TAB2: variants seen among roughly 807,000 people sequenced by gnomAD.
TAB2 encodes TGF-beta activated kinase 1 (MAP3K7) binding protein 2, also known as TGF-beta-activated kinase 1 and MAP3K7-binding protein 2.
Under a neutral mutation model 65.0 loss-of-function variants are expected in TAB2, and 3 were observed. That is an observed-to-expected ratio of 0.05 (90% CI 0.02 to 0.12). TAB2 has a LOEUF of 0.12. Ranked by LOEUF, TAB2 falls within the 10% of genes least tolerant of loss-of-function variation. The pLI, the probability that TAB2 is intolerant of heterozygous loss-of-function variation, is 1.00. For missense variants in TAB2, 623 were observed against 840.3 expected, an observed-to-expected ratio of 0.74 and a Z score of 3.20; for synonymous variants, 298 against 285.1, an observed-to-expected ratio of 1.05 and a Z score of -0.46.
chr6:149,395,129 A>AT (rs375603418), intron 3 of TAB2, among the ~76,000 whole-genome samples: 4 of 152,208 alleles, frequency 2.6e-5, no homozygotes, highest in African/African-American at 9.6e-5. Context: ...AAGGGCAAGG[A>AT]TTTTTTCCTA....
chr6:149,340,053 T>C (rs552563503), intron 1 of TAB2, among the ~76,000 whole-genome samples: 64 of 152,314 alleles, frequency 4.2e-4, no homozygotes, highest in African/African-American at 1.4e-3. Context: ...TTTCTTCTAT[T>C]AAATAAGGGT....
chr6:149,390,421 T>TA (rs1205531921), intron 3 of TAB2, among the ~76,000 whole-genome samples: 2 of 152,226 alleles, frequency 1.3e-5, no homozygotes, highest in African/African-American at 2.4e-5. Context: ...TCCAATGACA[T>TA]ATGTCTTTTC....
rs199759133 is a variant in TAB2 at position 149,330,251 on chromosome 6, G to A, written c.-90+12236G>A. On this transcript the variant is annotated intron_variant, in intron 1 of 6. Transcript: ENST00000637181. The stretch of plus-strand genomic sequence containing the variant: ...AACTTTGGGTTGTAAAAATAAAACT[G>A]CTGTGAACAGGTTTTACAGGATTTT... 1.4e-4 allele frequency among the ~76,000 whole-genome samples: 22 copies of A among 152,246 alleles called. No homozygotes were observed. The East Asian group carries it at 3.7e-3, about 25-fold the overall frequency.
intron 1 of TAB2, among the ~76,000 whole-genome samples, chr6:149,272,171 C>T (rs1023791914): frequency 1.6e-4 from 24 of 152,338 alleles, no homozygotes; most frequent in African/African-American, 5.5e-4. Context: ...AAGAAAACCA[C>T]TTTAAAAAAT....
chr6:149,262,060 A>T (rs957788004), intron 1 of TAB2, among the ~76,000 whole-genome samples: 12 of 152,338 alleles, frequency 7.9e-5, no homozygotes, highest in African/African-American at 2.9e-4. Context: ...TTACCAGGGA[A>T]TTGTGAGTTA....
chr6:149,259,749 A>C (rs565789950), intron 1 of TAB2, among the ~76,000 whole-genome samples: 99 of 152,328 alleles, frequency 6.5e-4, no homozygotes, highest in Non-Finnish European at 1.1e-3. Context: ...GAGGTCCATC[A>C]GTCAAACTGC....
intron 1 of TAB2, among the ~76,000 whole-genome samples, chr6:149,280,610 T>C (rs1019125478): frequency 1.3e-5 from 2 of 152,166 alleles, no homozygotes; most frequent in Non-Finnish European, 2.9e-5. Context: ...TAGAATTCCA[T>C]ACTCAGCTAA....
intron 1 of TAB2, among the ~76,000 whole-genome samples, chr6:149,331,159 C>T (rs1419783860): frequency 2.0e-5 from 3 of 152,046 alleles, no homozygotes; most frequent in Admixed American, 1.3e-4. Flanking sequence ...GGGAAATTGA[C>T]ATTTTTATTT....
intron 1 of TAB2, among the ~76,000 whole-genome samples, chr6:149,241,052 C>CA (rs1344932300): frequency 6.6e-6 from 1 of 151,836 alleles, no homozygotes; most frequent in East Asian, 1.9e-4. Context: ...CACACAAGCA[C>CA]AAAAAAAGAG....
At chr6:149,318,222 C>T (rs1250232929) in intron 1 of TAB2, among the ~76,000 whole-genome samples, 1 of 150,490 alleles carries the variant, frequency 6.6e-6, no homozygotes, top group African/African-American at 2.4e-5. Context: ...GTCCCCCAGT[C>T]CGGTGGGGGT....
chr6:149,403,245 AAAATATATATATATATATAT>A (rs1271315533), intron 6 of TAB2, among the ~76,000 whole-genome samples: 28 of 47,196 alleles, frequency 5.9e-4, no homozygotes, highest in East Asian at 9.9e-4. Flanking sequence ...AAAAAAAAAA[AAAATATATATATATATATAT>A]ATATATATAT....
chr6:149,304,093 A>T (rs1042560634), intron 1 of TAB2: 1 of 152,210 alleles, frequency 6.6e-6, no homozygotes, highest in Non-Finnish European at 1.5e-5. Flanking sequence ...TAGGAGTTTG[A>T]GACTGAATTT....
intron 1 of TAB2, among the ~76,000 whole-genome samples, chr6:149,337,300 T>G (rs1248085253): frequency 6.6e-6 from 1 of 152,170 alleles, no homozygotes; most frequent in Non-Finnish European, 1.5e-5. Context: ...CAACTATATT[T>G]TAGTAAAACT....
chr6:149,285,616 A>G (rs1377088157), intron 1 of TAB2, among the ~76,000 whole-genome samples: 3 of 152,338 alleles, frequency 2.0e-5, no homozygotes, highest in Non-Finnish European at 4.4e-5. Context: ...ACATATGGCC[A>G]TGTACTAGTA....
Position 149,317,977 on chromosome 6 carries a change from CGGCCGAG to C in TAB2, c.-126_-120del. The C allele has an allele frequency of 1.2e-5, 2 of 171,914 alleles. No individual in the cohort carries two copies. Among genetic ancestry groups the C allele is most frequent in the Non-Finnish European group, 2.5e-5 (2 of 81,028 alleles). 10.6% of individuals were successfully genotyped at this position (171,914 alleles called of 1,614,324 possible). A position where few individuals can be genotyped will look rare whatever the true frequency, so the allele number is the denominator to read the frequency against. On this transcript the variant is annotated 5_prime_UTR_variant, in exon 1 of 7. Coordinates refer to ENST00000637181, the MANE Select transcript of TAB2 (RefSeq NM_001292034.3). The surrounding 1 kb of genome is among the most constrained non-coding windows in gnomAD (Gnocchi z 4.7). ...CTAGTGGGAGAGGCGGCGGCGGCGGCGGCCGAGGAGGAGGAGGGGGAAGCGGCGGCGG... is the reference window on the plus strand; with the variant it reads ...CTAGTGGGAGAGGCGGCGGCGGCGGCGAGGAGGAGGGGGAAGCGGCGGCGG...
intron 1 of TAB2, among the ~76,000 whole-genome samples, chr6:149,251,863 T>C (rs1459408500): frequency 6.6e-6 from 1 of 152,248 alleles, no homozygotes; most frequent in Non-Finnish European, 1.5e-5. Context: ...ACCTTACTAA[T>C]TCTAATTTTT....
chr6:149,282,334 A>G (rs1165021671), intron 1 of TAB2, among the ~76,000 whole-genome samples: 2 of 152,176 alleles, frequency 1.3e-5, no homozygotes, highest in Non-Finnish European at 2.9e-5. Context: ...GAATTTAACA[A>G]TCCCTCTCAA....
At position 149,409,815 on chromosome 6, in the gene TAB2, C is replaced by A; in HGVS notation, c.*96C>A. 1 of 1,430,604 alleles carries A rather than the reference C, an allele frequency of 7.0e-7. No homozygotes were observed. Among genetic ancestry groups the A allele is most frequent in the South Asian group, 1.2e-5 (1 of 86,562 alleles). The allele number at this position is 1,430,604 out of a possible 1,614,324, so 88.6% of individuals were successfully genotyped here. ...GTTTCACTGCTACATAGGATTTTGT[C>A]AAATTGAAGGTGTGACAAGATGGTG... On this transcript the variant is annotated 3_prime_UTR_variant, in exon 7 of 7. Transcript: ENST00000637181.
intron 6 of TAB2, chr6:149,400,888 C>A: frequency 1.7e-6 from 1 of 574,166 alleles, no homozygotes; most frequent in Non-Finnish European, 3.0e-6. Flanking sequence ...TTTCTTCAAA[C>A]CAAACAGCCA....
Sources: gnomAD v4.1 joint callset for allele counts (sites outside exome capture counted in the v4.1 genomes callset) on GRCh38, gnomAD v4.1.1 for gene constraint, Gnocchi (gnomAD v3.1) non-coding constraint, MANE v1.5 for transcripts, NCBI Gene and HGNC (gene_info 2026-07-23, HGNC 2026-07-21) for gene names.